MCMDC2: variants seen among roughly 807,000 people sequenced by gnomAD.
MCMDC2 encodes the protein minichromosome maintenance domain-containing protein 2.
A neutral mutation model predicts 75.8 loss-of-function variants in MCMDC2; 54 were observed. The ratio of observed to expected loss-of-function variants is 0.71; its 90% CI spans 0.57 to 0.89. MCMDC2 has a LOEUF of 0.89. MCMDC2 is among the 40% of genes least tolerant of loss of function. The pLI, the probability that MCMDC2 is intolerant of heterozygous loss-of-function variation, is 0.00. For missense variants in MCMDC2, 656 were observed against 780.4 expected (o/e 0.84, Z 1.90); for synonymous variants, 249 against 274.6 (o/e 0.91, Z 0.92).
At chr8:66,903,090 C>G (rs929768203) in intron 13 of MCMDC2, among the ~76,000 whole-genome samples, 3 of 150,880 alleles carry the variant, frequency 2.0e-5, no homozygotes, top group African/African-American at 7.3e-5. Flanking sequence ...CCATTGCACT[C>G]CAACCTGGGC....
At chr8:66,916,892 A>C (rs1384144184) in intron 14 of MCMDC2, among the ~76,000 whole-genome samples, 14 of 152,186 alleles carry the variant, frequency 9.2e-5, no homozygotes, top group Non-Finnish European at 2.9e-5. Flanking sequence ...GGGACATCGC[A>C]AGGGAGTTAA....
intron 14 of MCMDC2, among the ~76,000 whole-genome samples, chr8:66,907,703 G>C (rs547976817): frequency 6.6e-6 from 1 of 152,286 alleles, no homozygotes; most frequent in South Asian, 2.1e-4. Flanking sequence ...GTGTAAAAGC[G>C]TTCCTGTTTC....
chr8:66,920,680 G>T lies in MCMDC2; in HGVS notation c.*1511G>T, dbSNP rs911426050. On this transcript the variant is annotated 3_prime_UTR_variant, in exon 15 of 15. Transcript: ENST00000422365. ...TAAAACTAGGATCCTTTTACAATTG[G>T]AAAGTTTAAAAACTTTTTTTTTTGG... 2 of 152,026 alleles carry T rather than the reference G, an allele frequency of 1.3e-5. No homozygotes were observed. Among genetic ancestry groups the T allele is most frequent in the Non-Finnish European group, 2.9e-5 (2 of 68,030 alleles). 9.4% of individuals were successfully genotyped at this position (152,026 alleles called of 1,614,324 possible).
At chr8:66,896,502 T>A (rs2130835619) in intron 11 of MCMDC2, among the ~76,000 whole-genome samples, 166 bp downstream of exon 11, 1 of 152,306 alleles carries the variant, frequency 6.6e-6, no homozygotes, top group Middle Eastern at 3.4e-3. Flanking sequence ...TTTAACCATG[T>A]AGATCAGATA....
Position 66,896,787 on chromosome 8 carries a change from G to T in MCMDC2, c.1454G>T (p.Ser485Ile), listed in dbSNP as rs955804131. 14 of 1,606,396 alleles carry T rather than the reference G, an allele frequency of 8.7e-6. No homozygotes were observed. Among genetic ancestry groups the T allele is most frequent in the Non-Finnish European group, 1.1e-5 (13 of 1,177,102 alleles). ...CCTTTTGGTTTGATGTAGGATTGCA[G>T]TTTGATTCCAGCTAACCTTGTGGAG... is the stretch of plus-strand genomic sequence containing the variant. The part of the protein sequence containing the change: ...INTLIGQMDC[S>I]LIPANLVEAF... The change falls in exon 12 of 15, where the codon AGT (serine) becomes ATT (isoleucine). Residue 485 changes from serine to isoleucine, a missense_variant. By Grantham distance (142) the Ser-to-Ile change is moderately radical. Transcript: ENST00000422365.
chr8:66,924,948 C>T (rs954816384), downstream of MCMDC2, among the ~76,000 whole-genome samples: 1 of 152,146 alleles, frequency 6.6e-6, no homozygotes, highest in Non-Finnish European at 1.5e-5. Context: ...TCACAAAGTA[C>T]GGTTAACTAA....
chr8:66,887,556 G>A (rs1001404893), intron 9 of MCMDC2, among the ~76,000 whole-genome samples: 9 of 151,650 alleles, frequency 5.9e-5, no homozygotes, highest in African/African-American at 1.9e-4. Flanking sequence ...TCTCAAAAAA[G>A]AAAAAAGAAG....
chr8:66,898,677 C>T (rs1223357111), intron 12 of MCMDC2, among the ~76,000 whole-genome samples: 1 of 150,718 alleles, frequency 6.6e-6, no homozygotes, highest in Non-Finnish European at 1.5e-5. Context: ...AATTTAAGTG[C>T]TAAGCTAAGT....
chr8:66,890,963 G>C lies in MCMDC2; in HGVS notation c.1172G>C (p.Gly391Ala), dbSNP rs756946743. The stretch of plus-strand genomic sequence containing the variant: ...CTATCCAGGAATAAGTATGGAACTG[G>C]AGCAGTTAGCATTCAGGCTGGCAGT... ...PTLSRNKYGTGAVSIQAGSAL... is the reference protein window; with the variant it reads ...PTLSRNKYGTAAVSIQAGSAL... Residue 391 changes from glycine (G) to alanine (A), a missense_variant, in exon 10 of 15, where the codon GGA (glycine) becomes GCA (alanine). Transcript: ENST00000422365. 6 of 1,613,358 alleles carry C rather than the reference G, an allele frequency of 3.7e-6. No homozygotes were observed. Among genetic ancestry groups the C allele is most frequent in the Non-Finnish European group, 5.1e-6 (6 of 1,179,860 alleles).
At position 66,874,191 on chromosome 8, in the gene MCMDC2, T is replaced by C. The variant is rs1585844514; in HGVS notation, c.51T>C (p.Ser17=). ...CGGCCCTCATCTATCTTGACAGAAG[T>C]GGAGGCCTCCAAAAGTTTATAGATG... The part of the protein sequence containing the change: ...KEAALIYLDR[S]GGLQKFIDDC... Residue 17 remains serine, a synonymous_variant, in exon 2 of 15, where the codon AGT becomes AGC. Coordinates refer to ENST00000422365, the MANE Select transcript of MCMDC2 (RefSeq NM_173518.5). The C allele has an allele frequency of 6.2e-7, 1 of 1,611,526 alleles. No individual in the cohort carries two copies.
intron 7 of MCMDC2, 81 bp from the exon 8 acceptor site, chr8:66,880,768 G>T (rs1438528645): frequency 7.7e-7 from 1 of 1,298,852 alleles, no homozygotes; most frequent in Non-Finnish European, 1.0e-6. Context: ...TGTTTTACTA[G>T]TTCTGGATCT....
intron 12 of MCMDC2, among the ~76,000 whole-genome samples, chr8:66,898,340 T>TA (rs1172666292): frequency 3.3e-5 from 5 of 152,060 alleles, no homozygotes; most frequent in Non-Finnish European, 5.9e-5. Context: ...AAAAACAAGA[T>TA]ATAGGCCAGG....
At chr8:66,897,415 A>AG in intron 12 of MCMDC2, among the ~76,000 whole-genome samples, 1 of 143,928 alleles carries the variant, frequency 6.9e-6, no homozygotes, top group East Asian at 2.0e-4. Context: ...TCAAAAAAAA[A>AG]AAAAAGAAAA....
chr8:66,899,489 G>C (rs1238272268), intron 12 of MCMDC2, among the ~76,000 whole-genome samples: 2 of 152,052 alleles, frequency 1.3e-5, no homozygotes, highest in Non-Finnish European at 2.9e-5. Context: ...TCCAATCTAG[G>C]ACATGTCTCT....
At position 66,889,063 on chromosome 8, in the gene MCMDC2, A is replaced by G. The variant is rs187577466; in HGVS notation, c.1074-1802A>G. 7.5e-4 allele frequency among the ~76,000 whole-genome samples: 114 copies of G among 152,270 alleles called. 1 individual carries two copies. The highest frequency in any genetic ancestry group is 2.7e-3 in the African/African-American group (113 of 41,554). The stretch of plus-strand genomic sequence containing the variant: ...ATCTTCAAACATCCAAATTCCTTAG[A>G]ATAGAACATGCGCTAGATATATTTT... On this transcript the variant is annotated intron_variant, in intron 9 of 14. Coordinates refer to ENST00000422365, the MANE Select transcript of MCMDC2 (RefSeq NM_173518.5).
At chr8:66,873,253 G>A (rs966905248) in intron 1 of MCMDC2, among the ~76,000 whole-genome samples, 2 of 152,080 alleles carry the variant, frequency 1.3e-5, no homozygotes, top group African/African-American at 2.4e-5. Flanking sequence ...AATTGGAAGG[G>A]GCTTTAATCA....
At position 66,874,175 on chromosome 8, in the gene MCMDC2, T is replaced by A; in HGVS notation, c.35T>A (p.Ile12Asn). The A allele has an allele frequency of 6.2e-7, 1 of 1,608,550 alleles. No individual in the cohort carries two copies. The highest frequency in any genetic ancestry group is 1.1e-5 in the South Asian group (1 of 89,226). ...SNLKMKEAAL[I>N]YLDRSGGLQK... ...CTAAAAATGAAAGAGGCGGCCCTCA[T>A]CTATCTTGACAGAAGTGGAGGCCTC... Residue 12 changes from isoleucine to asparagine, a missense_variant, in exon 2 of 15, where the codon ATC becomes AAC. Ile to Asn is a moderately radical substitution (Grantham distance 149, BLOSUM62 -3). Coordinates refer to ENST00000422365, the MANE Select transcript of MCMDC2 (RefSeq NM_173518.5).
chr8:66,910,524 G>A (rs893285738), intron 14 of MCMDC2, among the ~76,000 whole-genome samples: 1 of 152,138 alleles, frequency 6.6e-6, no homozygotes, highest in Non-Finnish European at 1.5e-5. Flanking sequence ...TTTAAGATTT[G>A]ACTGGCCAGC....
At position 66,890,943 on chromosome 8, in the gene MCMDC2, C is replaced by T; in HGVS notation, c.1152C>T (p.Ser384=). 6.2e-7 allele frequency: 1 copy of T among 1,613,694 alleles called. No individual in the cohort carries two copies. The highest frequency in any genetic ancestry group is 8.5e-7 in the Non-Finnish European group (1 of 1,179,930). ...CTACTGAAATTTTTCCCACTCTATC[C>T]AGGAATAAGTATGGAACTGGAGCAG... is the stretch of plus-strand genomic sequence containing the variant. ...LVSTEIFPTL[S]RNKYGTGAVS... The change falls in exon 10 of 15, where the codon TCC becomes TCT. Residue 384 remains serine (S), a synonymous_variant. Transcript: ENST00000422365.
Sources: allele counts gnomAD v4.1 joint callset (sites outside exome capture counted in the v4.1 genomes callset), GRCh38; gene constraint gnomAD v4.1.1; transcripts MANE v1.5; gene names NCBI Gene and HGNC (gene_info 2026-07-23, HGNC 2026-07-21).